Variants in MACO1 observed in about 807,000 individuals in gnomAD.
MACO1 encodes the protein macoilin 1, also known as macoilin.
A neutral mutation model predicts 78.7 loss-of-function variants in MACO1; 14 were observed. The ratio of observed to expected loss-of-function variants is 0.18; its 90% CI spans 0.12 to 0.28. MACO1 has a LOEUF of 0.28. Among genes scored for constraint, MACO1 ranks in the 10% least tolerant of loss-of-function variants. The pLI is 1.00. For missense variants in MACO1, 501 were observed against 799.0 expected (o/e 0.63, Z 4.50); for synonymous variants, 288 against 291.6 (o/e 0.99, Z 0.12).
Position 25,458,821 on chromosome 1 carries a change from A to C in MACO1, c.1083A>C (p.Pro361=), listed in dbSNP as rs1413921128. The change falls in exon 6 of 11, where the codon CCA becomes CCC. Residue 361 remains proline, a synonymous_variant. Coordinates refer to ENST00000374343, the MANE Select transcript of MACO1 (RefSeq NM_018202.6). ...AGCAGAAATGCACTAGCAAGAGCCC[A>C]AGTACACACAAGGACTTAATGGAAA... ...EKKQKCTSKS[P]STHKDLMENC... The C allele has an allele frequency of 3.7e-6, 6 of 1,614,088 alleles. No homozygotes were observed. The highest frequency in any genetic ancestry group is 1.3e-5 in the African/African-American group (1 of 74,930).
chr1:25,454,134 C>T, intron 3 of MACO1, 125 bp from the exon 4 acceptor site: 2 of 1,157,864 alleles, frequency 1.7e-6, no homozygotes, highest in Admixed American at 3.3e-5. Context: ...ATCAGTTTGC[C>T]TTTTAATTTA....
rs1162452558 is a variant in MACO1 at position 25,500,096 on chromosome 1, GT to G, written c.*1633del. 2 of 150,542 alleles carry G rather than the reference GT, an allele frequency of 1.3e-5. No homozygotes were observed. The highest frequency in any genetic ancestry group is 2.9e-5 in the Non-Finnish European group (2 of 67,818). 9.3% of individuals were successfully genotyped at this position (150,542 alleles called of 1,614,324 possible). A position where few individuals can be genotyped will look rare whatever the true frequency, so the allele number is the denominator to read the frequency against. ...AAATTGTCACTGACTTTGTTTTGAGGTTTCCCCCATTTTGCTGCCTTTTGGG... is the reference window on the plus strand; with the variant it reads ...AAATTGTCACTGACTTTGTTTTGAGGTTCCCCCATTTTGCTGCCTTTTGGG... On this transcript the variant is annotated 3_prime_UTR_variant, in exon 11 of 11. Coordinates refer to ENST00000374343, the MANE Select transcript of MACO1 (RefSeq NM_018202.6).
chr1:25,448,733 T>C, intron 2 of MACO1, 75 bp from the exon 3 acceptor site: 2 of 1,353,284 alleles, frequency 1.5e-6, no homozygotes, highest in Non-Finnish European at 2.0e-6. Context: ...TTGTCCAACA[T>C]GTGTTTAACA....
Position 25,489,353 on chromosome 1 carries a change from G to A in MACO1, c.1617+60G>A, listed in dbSNP as rs1425624469. 15 of 1,591,346 alleles carry A rather than the reference G, an allele frequency of 9.4e-6. No individual in the cohort carries two copies. The South Asian group carries it at 1.0e-4, about 11-fold the overall frequency. On this transcript the variant is annotated intron_variant, in intron 9 of 10. Coordinates refer to ENST00000374343, the MANE Select transcript of MACO1 (RefSeq NM_018202.6). Reference sequence around the variant, plus strand: ...AATTCCACTTTTATGCTAAACTTGTGCTCTGTGTTGCAGTGTAGAGATGAT... The same window carrying A: ...AATTCCACTTTTATGCTAAACTTGTACTCTGTGTTGCAGTGTAGAGATGAT...
chr1:25,475,141 G>A lies in MACO1; in HGVS notation c.1155-8975G>A, dbSNP rs865999647. ...GGGCGGATCACGAGGTCAGGAGATC[G>A]AGACCATCCTGGCTAACACGGTGAA... On this transcript the variant is annotated intron_variant, in intron 6 of 10. Coordinates refer to ENST00000374343, the MANE Select transcript of MACO1 (RefSeq NM_018202.6). 1.5e-4 allele frequency among the ~76,000 whole-genome samples: 22 copies of A among 151,498 alleles called. No individual in the cohort carries two copies. In the Middle Eastern group the frequency reaches 0.028, roughly 191 times the overall value.
intron 6 of MACO1, among the ~76,000 whole-genome samples, chr1:25,481,098 AT>A (rs1423535543): frequency 6.6e-6 from 1 of 151,598 alleles, no homozygotes; most frequent in African/African-American, 2.4e-5. Context: ...CTCAGAATAA[AT>A]ATTGTTATTT....
chr1:25,453,026 A>G (rs1409557224), intron 3 of MACO1, among the ~76,000 whole-genome samples: 2 of 106,508 alleles, frequency 1.9e-5, no homozygotes, highest in African/African-American at 3.9e-5. Flanking sequence ...TTTTTTTGAG[A>G]TGGAGTTTCG....
chr1:25,487,894 C>T (rs2043449357), intron 8 of MACO1, among the ~76,000 whole-genome samples: 1 of 152,114 alleles, frequency 6.6e-6, no homozygotes. Context: ...GACCTAAAAG[C>T]TAGGTAACCT....
At position 25,454,264 on chromosome 1, in the gene MACO1, G is replaced by A; in HGVS notation, c.355G>A (p.Gly119Arg). The part of the protein sequence containing the change: ...WVQYVWHTER[G>R]VCLPTVSLWI... ...TCTCTGCTGCTTTCTCACAGAAAGGGGAGTGTGTTTGCCTACAGTGTCTCT... is the reference window on the plus strand; with the variant it reads ...TCTCTGCTGCTTTCTCACAGAAAGGAGAGTGTGTTTGCCTACAGTGTCTCT... Residue 119 changes from glycine to arginine, a missense_variant, in exon 4 of 11, where the codon GGA becomes AGA. Coordinates refer to ENST00000374343, the MANE Select transcript of MACO1 (RefSeq NM_018202.6). The A allele has an allele frequency of 6.3e-7, 1 of 1,589,408 alleles. No individual in the cohort carries two copies. The highest frequency in any genetic ancestry group is 8.6e-7 in the Non-Finnish European group (1 of 1,167,904).
intron 5 of MACO1, among the ~76,000 whole-genome samples, chr1:25,457,765 G>A (rs939280553): frequency 4.6e-5 from 7 of 152,100 alleles, no homozygotes; most frequent in Non-Finnish European, 1.0e-4. Flanking sequence ...TTTTCTTTTT[G>A]TGTGATGTGG....
intron 4 of MACO1, among the ~76,000 whole-genome samples, chr1:25,455,072 GT>G (rs2043108032): frequency 6.6e-6 from 1 of 152,150 alleles, no homozygotes; most frequent in African/African-American, 2.4e-5. Context: ...GCACATAGGT[GT>G]CTGATGAATG....
rs779293255 is a variant in MACO1, at chr1:25,458,425, C to A, written c.687C>A (p.Ile229=). 1 of 1,604,118 alleles carries A rather than the reference C, an allele frequency of 6.2e-7. No homozygotes were observed. The highest frequency in any genetic ancestry group is 1.1e-5 in the South Asian group (1 of 89,666). Residue 229 remains isoleucine, a synonymous_variant, in exon 6 of 11, where the codon ATC becomes ATA. Transcript: ENST00000374343. ...AKGLPDMDSS[I]LIHHNGGIPA... The stretch of plus-strand genomic sequence containing the variant: ...GATTACCTGATATGGATTCTTCGAT[C>A]CTTATACACCACAATGGAGGTATCC...
chr1:25,441,344 G>A (rs779381705), intron 1 of MACO1, among the ~76,000 whole-genome samples: 1 of 152,016 alleles, frequency 6.6e-6, no homozygotes, highest in Non-Finnish European at 1.5e-5. Context: ...GCATCTGCCT[G>A]GCTAATTTTT....
chr1:25,475,073 C>T (rs1323540451), intron 6 of MACO1, among the ~76,000 whole-genome samples: 1 of 152,186 alleles, frequency 6.6e-6, no homozygotes, highest in Non-Finnish European at 1.5e-5. Context: ...CGGCCGGGCA[C>T]TTGGCTCACG....
intron 6 of MACO1, among the ~76,000 whole-genome samples, chr1:25,480,619 A>C (rs1344661006): frequency 2.6e-5 from 4 of 152,040 alleles, no homozygotes; most frequent in Non-Finnish European, 5.9e-5. Flanking sequence ...TTTTTATATA[A>C]GCTTCACATT....
chr1:25,475,907 A>G (rs2043317984), intron 6 of MACO1, among the ~76,000 whole-genome samples: 1 of 152,142 alleles, frequency 6.6e-6, no homozygotes, highest in Non-Finnish European at 1.5e-5. Flanking sequence ...CTTCCATGTC[A>G]TTGAATATTC....
At chr1:25,487,126 G>A (rs1428575534) in intron 8 of MACO1, among the ~76,000 whole-genome samples, 1 of 151,954 alleles carries the variant, frequency 6.6e-6, no homozygotes, top group Non-Finnish European at 1.5e-5. Context: ...TCTTATCCCT[G>A]GATAGTCCTT....
At chr1:25,459,594 C>T (rs1055575121) in intron 6 of MACO1, among the ~76,000 whole-genome samples, 2 of 151,796 alleles carry the variant, frequency 1.3e-5, no homozygotes, top group African/African-American at 4.8e-5. Flanking sequence ...CCTGCCTCAG[C>T]CTCCCAACTA....
chr1:25,431,092 C>A lies in MACO1; in HGVS notation c.-7C>A, dbSNP rs1216685077. The A allele has an allele frequency of 1.3e-6, 2 of 1,584,396 alleles. No individual in the cohort carries two copies. The highest frequency in any genetic ancestry group is 1.1e-5 in the South Asian group (1 of 87,936). On this transcript the variant is annotated 5_prime_UTR_variant, in exon 1 of 11. Transcript: ENST00000374343. Reference sequence around the variant, plus strand: ...GCGGCGCGGGCACCCGGCCCCCCAGCGGGAGGATGAAGCGGCGGAACGCCG... The same window carrying A: ...GCGGCGCGGGCACCCGGCCCCCCAGAGGGAGGATGAAGCGGCGGAACGCCG...
Sources: allele counts gnomAD v4.1 joint callset (sites outside exome capture counted in the v4.1 genomes callset), GRCh38; gene constraint gnomAD v4.1.1; transcripts MANE v1.5; gene names NCBI Gene and HGNC (gene_info 2026-07-23, HGNC 2026-07-21).